Variants in RPS20 observed in about 807,000 individuals in gnomAD.
RPS20 encodes ribosomal protein S20.
Under a neutral mutation model 15.3 loss-of-function variants are expected in RPS20, and 3 were observed. The ratio of observed to expected loss-of-function variants is 0.20; its 90% CI spans 0.09 to 0.51. The LOEUF (loss-of-function observed/expected upper bound fraction) is 0.51. Among genes scored for constraint, RPS20 ranks in the 20% least tolerant of loss-of-function variants. RPS20 has a pLI of 0.96. For synonymous variants in RPS20, 62 were observed against 47.8 expected (o/e 1.30, Z -1.23); for missense variants, 67 against 145.9 (o/e 0.46, Z 2.79).
chr8:56,070,966 T>A (rs1200427023), downstream of RPS20, among the ~76,000 whole-genome samples: 2 of 152,340 alleles, frequency 1.3e-5, no homozygotes, highest in South Asian at 2.1e-4. Context: ...ATTTAATCTA[T>A]CCTGAATTCC....
intron 3 of RPS20, 173 bp from the exon 4 acceptor site, chr8:56,073,445 T>C (rs1809826568): frequency 1.6e-6 from 1 of 642,712 alleles, no homozygotes; most frequent in Admixed American, 2.8e-5. Flanking sequence ...GTTTTCACTG[T>C]GCTAGGACAC....
chr8:56,074,341 A>T (rs780051165), intron 1 of RPS20, 40 bp downstream of exon 1: 3 of 1,548,500 alleles, frequency 1.9e-6, no homozygotes, highest in Non-Finnish European at 2.6e-6. Context: ...CCGGCGCCCG[A>T]GCCCTGCGTT....
chr8:56,069,764 C>T (rs371598524), downstream of RPS20: 51 of 1,551,544 alleles, frequency 3.3e-5, 2 homozygotes, highest in African/African-American at 4.8e-4. Flanking sequence ...CCCGGGGATT[C>T]GAATACACTT....
downstream of RPS20, chr8:56,072,975 C>A: frequency 6.9e-7 from 1 of 1,456,822 alleles, no homozygotes; most frequent in East Asian, 2.4e-5. Context: ...CCATATATTC[C>A]ACCTGAAAAG....
downstream of RPS20, among the ~76,000 whole-genome samples, chr8:56,071,645 G>A (rs1028212554): frequency 5.9e-5 from 9 of 152,202 alleles, no homozygotes; most frequent in African/African-American, 2.2e-4. Flanking sequence ...GCTTCTGGGA[G>A]GGAAGATTTC....
At chr8:56,073,805 C>T (rs1258048915) in intron 2 of RPS20, 37 bp from the exon 3 acceptor site, 1 of 1,590,828 alleles carries the variant, frequency 6.3e-7, no homozygotes, top group Non-Finnish European at 8.6e-7. Context: ...ATAATCGAAA[C>T]AATTAAAATC....
downstream of RPS20, among the ~76,000 whole-genome samples, chr8:56,068,861 C>T (rs1258268958): frequency 4.2e-5 from 4 of 94,404 alleles, no homozygotes; most frequent in Non-Finnish European, 7.6e-5. Flanking sequence ...GAGTCTCAGT[C>T]TGTCGCCCAG....
downstream of RPS20, chr8:56,072,945 G>T: frequency 7.1e-7 from 1 of 1,415,988 alleles, no homozygotes; most frequent in Non-Finnish European, 9.2e-7. Context: ...ACGAAAACAG[G>T]ATAGACCACT....
At chr8:56,069,853 A>G, downstream of RPS20, 1 of 1,342,088 alleles carries the variant, frequency 7.5e-7, no homozygotes, top group Non-Finnish European at 1.0e-6. Flanking sequence ...AAAAGTATTC[A>G]GAAAAAAAAT....
At chr8:56,067,803 T>TGAAG (rs2130644273) in exon 6 of RPS20, 1 of 152,194 alleles carries the variant, frequency 6.6e-6, no homozygotes, top group South Asian at 2.1e-4. Flanking sequence ...TCCACTCACA[T>TGAAG]GAAGTATCAA....
At chr8:56,071,193 A>G (rs545443334), downstream of RPS20, among the ~76,000 whole-genome samples, 4 of 151,972 alleles carry the variant, frequency 2.6e-5, no homozygotes, top group Non-Finnish European at 5.9e-5. Context: ...TCCTTCCACT[A>G]TTTTCTGATT....
At chr8:56,072,482 G>A (rs907944130), downstream of RPS20, among the ~76,000 whole-genome samples, 3 of 149,458 alleles carry the variant, frequency 2.0e-5, no homozygotes, top group African/African-American at 7.4e-5. Context: ...AACCTGGGAG[G>A]CAGAGGTTGC....
chr8:56,072,090 T>A (rs1316724142), downstream of RPS20, among the ~76,000 whole-genome samples: 2 of 151,902 alleles, frequency 1.3e-5, no homozygotes, highest in Non-Finnish European at 2.9e-5. Flanking sequence ...AAAAAACAAT[T>A]AGCTGGGCAT....
At chr8:56,074,321 C>T in intron 1 of RPS20, 60 bp downstream of exon 1, 1 of 1,547,484 alleles carries the variant, frequency 6.5e-7, no homozygotes, top group Non-Finnish European at 8.7e-7. Flanking sequence ...AACTCGAAAC[C>T]GGGGTCCCCC....
At chr8:56,073,315 A>G (rs1478180140) in intron 3 of RPS20, 43 bp from the exon 4 acceptor site, 2 of 1,236,936 alleles carry the variant, frequency 1.6e-6, no homozygotes, top group Non-Finnish European at 2.4e-6. Context: ...ATCGTTTTAT[A>G]CTTATCCCTA....
At chr8:56,071,791 A>C (rs928844883), downstream of RPS20, among the ~76,000 whole-genome samples, 18 of 152,238 alleles carry the variant, frequency 1.2e-4, no homozygotes, top group Non-Finnish European at 2.5e-4. Flanking sequence ...CAAATCCAAA[A>C]AGAAAAAACT....
downstream of RPS20, among the ~76,000 whole-genome samples, chr8:56,069,184 T>C (rs62515400): frequency 1.2e-3 from 185 of 152,232 alleles, no homozygotes; most frequent in Non-Finnish European, 1.5e-3. Context: ...AAGTGAAATA[T>C]GCTATTATTC....
At chr8:56,072,558 C>CAA (rs376974506), downstream of RPS20, among the ~76,000 whole-genome samples, 189 of 138,978 alleles carry the variant, frequency 1.4e-3, 1 homozygote, top group African/African-American at 5.0e-3. Flanking sequence ...TCCCCCCCCC[C>CAA]AAAAAAAAAA....
At chr8:56,070,525 T>C (rs930053104), downstream of RPS20, among the ~76,000 whole-genome samples, 3 of 151,902 alleles carry the variant, frequency 2.0e-5, no homozygotes, top group African/African-American at 7.3e-5. Flanking sequence ...CGCCTGAGCA[T>C]AGGAGTTTGA....
Sources: allele counts gnomAD v4.1 joint callset (sites outside exome capture counted in the v4.1 genomes callset), GRCh38; gene constraint gnomAD v4.1.1; transcripts MANE v1.5; gene names NCBI Gene and HGNC (gene_info 2026-07-23, HGNC 2026-07-21).